The following TMEM53 variants were observed in gnomAD, a reference collection of about 807,000 sequenced individuals.
The protein encoded by TMEM53 is transmembrane protein 53, also known as novel DUF829 domain-containing protein.
Under a neutral mutation model 21.4 loss-of-function variants are expected in TMEM53, and 14 were observed. That is an observed-to-expected ratio of 0.65 (90% CI 0.43 to 1.02). The LOEUF (loss-of-function observed/expected upper bound fraction) is 1.02. TMEM53 is among the 50% of genes least tolerant of loss of function. TMEM53 has a pLI of 0.00. For synonymous variants in TMEM53, 148 were observed against 157.4 expected, an observed-to-expected ratio of 0.94 and a Z score of 0.45; for missense variants, 323 against 383.6, an observed-to-expected ratio of 0.84 and a Z score of 1.32.
At chr1:44,668,035 G>C (rs571759567) in intron 1 of TMEM53, among the ~76,000 whole-genome samples, 17 of 152,264 alleles carry the variant, frequency 1.1e-4, no homozygotes, top group African/African-American at 3.9e-4. Flanking sequence ...ATACCCCAGG[G>C]GCATATGGGG....
intron 2 of TMEM53, among the ~76,000 whole-genome samples, chr1:44,658,445 A>G (rs1349061394): frequency 1.3e-5 from 2 of 151,074 alleles, no homozygotes; most frequent in African/African-American, 4.9e-5. Context: ...GACACCCCCA[A>G]CTCCAAGGTC....
At chr1:44,666,959 C>G (rs1644954048) in intron 1 of TMEM53, among the ~76,000 whole-genome samples, 2 of 152,066 alleles carry the variant, frequency 1.3e-5, no homozygotes, top group African/African-American at 4.8e-5. Flanking sequence ...ATCCTCCCAT[C>G]ACAGCCTCCT....
chr1:44,655,361 C>T lies in TMEM53; in HGVS notation c.184-152G>A, dbSNP rs1240048014. On this transcript the variant is annotated intron_variant, in intron 2 of 2. Transcript: ENST00000372237. The surrounding 1 kb of genome is among the most constrained non-coding windows in gnomAD (Gnocchi z 4.4). ...CTCTGGGTCCTGCTTCAGCCTGAGC[C>T]CACCAGCCCGCTGCCCACAGACACA... The T allele has an allele frequency of 6.5e-6, 5 of 768,230 alleles. No individual in the cohort carries two copies. The highest frequency in any genetic ancestry group is 1.8e-5 in the African/African-American group (1 of 56,886). The allele number at this position is 768,230 out of a possible 1,614,324, so 47.6% of individuals were successfully genotyped here. A position where few individuals can be genotyped will look rare whatever the true frequency, so the allele number is the denominator to read the frequency against.
chr1:44,667,422 C>T (rs866509204), intron 1 of TMEM53, among the ~76,000 whole-genome samples: 10 of 151,840 alleles, frequency 6.6e-5, no homozygotes, highest in South Asian at 2.1e-4. Flanking sequence ...ATTCTCCTGC[C>T]TCAGCCTCCC....
chr1:44,667,468 C>T (rs1264398338), intron 1 of TMEM53, among the ~76,000 whole-genome samples: 5 of 151,930 alleles, frequency 3.3e-5, no homozygotes, highest in South Asian at 4.2e-4. Context: ...CCATCATGCC[C>T]GGCTAATTTT....
At chr1:44,664,260 G>T (rs1022564534) in intron 1 of TMEM53, among the ~76,000 whole-genome samples, 1 of 151,672 alleles carries the variant, frequency 6.6e-6, no homozygotes, top group African/African-American at 2.4e-5. Flanking sequence ...AGACCAGCCT[G>T]ACCAACATGG....
intron 2 of TMEM53, among the ~76,000 whole-genome samples, chr1:44,657,625 C>G (rs948541628): frequency 6.6e-6 from 1 of 152,176 alleles, no homozygotes; most frequent in Non-Finnish European, 1.5e-5. Context: ...GCAGCCTCAA[C>G]TTTCCAGGCT....
At position 44,654,434 on chromosome 1, in the gene TMEM53, T is replaced by A. The variant is rs1209289581; in HGVS notation, c.*125A>T. 1 of 1,167,998 alleles carries A rather than the reference T, an allele frequency of 8.6e-7. No individual in the cohort carries two copies. Among genetic ancestry groups the A allele is most frequent in the Non-Finnish European group, 1.2e-6 (1 of 826,748 alleles). 72.4% of individuals were successfully genotyped at this position (1,167,998 alleles called of 1,614,324 possible). ...AGACAGGCCCATAGGAATTTTCTAC[T>A]TAGGGGACCGCAAAGTCCCAAAGGG... On this transcript the variant is annotated 3_prime_UTR_variant, in exon 3 of 3. Transcript: ENST00000372237. This position sits in a 1 kb window ranked among gnomAD's most constrained non-coding sequence, Gnocchi z 7.0.
At position 44,674,466 on chromosome 1, in the gene TMEM53, C is replaced by T. The variant is rs982210424; in HGVS notation, c.-75G>A. ...GCGCACCCGTGCCTCACCCGGGCGC[C>T]TCCTGGGCGCCGCCCAATCACCACA... On this transcript the variant is annotated 5_prime_UTR_variant, in exon 1 of 3. Transcript: ENST00000372237. 3 of 1,476,502 alleles carry T rather than the reference C, an allele frequency of 2.0e-6. No homozygotes were observed. Among genetic ancestry groups the T allele is most frequent in the Middle Eastern group, 2.1e-4 (1 of 4,816 alleles). 91.5% of individuals were successfully genotyped at this position (1,476,502 alleles called of 1,614,324 possible).
Position 44,658,583 on chromosome 1 carries a change from C to T in TMEM53, c.183+1591G>A, listed in dbSNP as rs541802138. ...TTGTTTATTTTGAGACAGGGTCTCA[C>T]TTTGTTGCCCAGGCTAGAGTGCAGT... On this transcript the variant is annotated intron_variant, in intron 2 of 2. Transcript: ENST00000372237. Among the ~76,000 whole-genome samples the T allele has an allele frequency of 7.9e-5, 12 of 152,292 alleles. No homozygotes were observed. The South Asian group carries it at 2.1e-3, about 26-fold the overall frequency.
rs1644817968 is a variant in TMEM53 at position 44,653,407 on chromosome 1, T to C, written c.*1152A>G. ...CCTTCCAGAAGATGAAGGAGTTTGC[T>C]ATTTCAGCCCAAATCCCCTTACCCT... On this transcript the variant is annotated 3_prime_UTR_variant, in exon 3 of 3. Transcript: ENST00000372237. 6.6e-6 allele frequency: 1 copy of C among 152,236 alleles called. No homozygotes were observed. 9.4% of individuals were successfully genotyped at this position (152,236 alleles called of 1,614,324 possible). A position where few individuals can be genotyped will look rare whatever the true frequency, so the allele number is the denominator to read the frequency against.
At chr1:44,664,740 C>A (rs1644932932) in intron 1 of TMEM53, among the ~76,000 whole-genome samples, 1 of 152,196 alleles carries the variant, frequency 6.6e-6, no homozygotes, top group African/African-American at 2.4e-5. Flanking sequence ...ACCTGCTTCT[C>A]CCAGCCAGAA....
At chr1:44,661,970 C>T (rs1644906145) in intron 1 of TMEM53, among the ~76,000 whole-genome samples, 1 of 152,190 alleles carries the variant, frequency 6.6e-6, no homozygotes, top group Non-Finnish European at 1.5e-5. Context: ...AATCTGCCCT[C>T]CCAAAAGGGC....
intron 1 of TMEM53, chr1:44,673,931 T>TCCA (rs1317902646): frequency 1.1e-5 from 11 of 985,314 alleles, no homozygotes; most frequent in Non-Finnish European, 1.3e-5. Context: ...AGCCTCCCCC[T>TCCA]CCACGCCTTC....
intron 1 of TMEM53, among the ~76,000 whole-genome samples, chr1:44,666,704 G>A (rs1644951204): frequency 1.3e-5 from 2 of 152,234 alleles, no homozygotes; most frequent in South Asian, 2.1e-4. Flanking sequence ...GGTTGCCAAG[G>A]GCTGGGGGGA....
rs577878692 is a variant in TMEM53, at chr1:44,668,152, C to CA, written c.61+6178dup. Among the ~76,000 whole-genome samples, 584 of 152,054 alleles carry CA rather than the reference C, an allele frequency of 3.8e-3. 2 individuals are homozygous for CA. Among genetic ancestry groups the CA allele is most frequent in the African/African-American group, 0.014 (571 of 41,506 alleles). ...GAAACCATGTTTTCTTTTTAAAATG[C>CA]AAAAAATTGGCCAGACTTGGTGGCT... On this transcript the variant is annotated intron_variant, in intron 1 of 2. Coordinates refer to ENST00000372237, the MANE Select transcript of TMEM53 (RefSeq NM_024587.4).
intron 1 of TMEM53, 116 bp downstream of exon 1, chr1:44,674,215 A>AGGGGGCGGCCCGAGG: frequency 6.9e-7 from 1 of 1,452,190 alleles, no homozygotes; most frequent in African/African-American, 1.5e-5. Context: ...AGACCCTATG[A>AGGGGGCGGCCCGAGG]GGGGGCGGCC....
At chr1:44,666,217 G>A (rs1644947576) in intron 1 of TMEM53, among the ~76,000 whole-genome samples, 1 of 152,184 alleles carries the variant, frequency 6.6e-6, no homozygotes, top group Non-Finnish European at 1.5e-5. Flanking sequence ...TAATTAAAAA[G>A]TCAGATAATA....
At chr1:44,674,188 T>C (rs1275750785) in intron 1 of TMEM53, 143 bp downstream of exon 1, 5 of 1,354,684 alleles carry the variant, frequency 3.7e-6, no homozygotes, top group Admixed American at 3.5e-5. Context: ...TGAGCCTCTC[T>C]AAGTCTAGGA....
Sources: allele counts gnomAD v4.1 joint callset (sites outside exome capture counted in the v4.1 genomes callset), GRCh38; gene constraint gnomAD v4.1.1; non-coding constraint Gnocchi (gnomAD v3.1); transcripts MANE v1.5; gene names NCBI Gene and HGNC (gene_info 2026-07-23, HGNC 2026-07-21).